ATP7A: variants seen among roughly 807,000 people sequenced by gnomAD.
The protein encoded by ATP7A is copper-transporting ATPase 1.
ATP7A carries 7 observed loss-of-function variants against 83.5 expected under a neutral mutation model. That is an observed-to-expected ratio of 0.08 (90% CI 0.05 to 0.16). The LOEUF (loss-of-function observed/expected upper bound fraction) is 0.16. Among genes scored for constraint, ATP7A ranks in the 10% least tolerant of loss-of-function variants. ATP7A has a pLI of 1.00. For synonymous variants in ATP7A, 354 were observed against 395.2 expected (o/e 0.90, Z 1.24); for missense variants, 940 against 1,120.8 (o/e 0.84, Z 2.30).
At chrX:78,017,765 CTTTTTTTTTTT>C (rs1176316040) in intron 12 of ATP7A, among the ~76,000 whole-genome samples, 4 of 45,859 alleles carry the variant, frequency 8.7e-5, no homozygotes, top group African/African-American at 3.8e-4. Flanking sequence ...TTTCTTGTTT[CTTTTTTTTTTT>C]TTTTTTTTTT....
chrX:78,024,288 C>A (rs1255234602), intron 14 of ATP7A, among the ~76,000 whole-genome samples: 1 of 111,951 alleles, frequency 8.9e-6, no homozygotes, highest in Non-Finnish European at 1.9e-5. Context: ...GTTCTTTTTC[C>A]ATATGAAATT....
chrX:78,040,718 A>G lies in ATP7A; in HGVS notation c.3786A>G (p.Arg1262=), dbSNP rs1557238272. 8.3e-7 allele frequency: 1 copy of G among 1,210,814 alleles called. No homozygotes were observed. Among genetic ancestry groups the G allele is most frequent in the Non-Finnish European group, 1.1e-6 (1 of 894,679 alleles). Residue 1262 remains arginine (R), a synonymous_variant, in exon 19 of 23, where the codon AGA becomes AGG. Transcript: ENST00000341514. ...LMTGDNSKTA[R]SIASQVGITK... ...CTGGAGACAACAGTAAAACAGCTAG[A>G]TCTATTGCTTCTCAGGTAATTGATA...
At chrX:77,965,565 A>G (rs937517706) in intron 1 of ATP7A, 2 of 161,652 alleles carry the variant, frequency 1.2e-5, no homozygotes, top group Non-Finnish European at 2.4e-5. Flanking sequence ...GGGAGTATAA[A>G]TGGTACAGTC....
chrX:78,031,517 G>A lies in ATP7A; in HGVS notation c.3229G>A (p.Val1077Met). 1 of 1,211,285 alleles carries A rather than the reference G, an allele frequency of 8.3e-7. No homozygotes were observed. Among genetic ancestry groups the A allele is most frequent in the Non-Finnish European group, 1.1e-6 (1 of 895,052 alleles). ...ATCACACCATAAAATCTTGGCCATT[G>A]TGGGAACTGCTGAAAGTAACAGTGA... ...RISHHKILAI[V>M]GTAESNSEHP... The change falls in exon 16 of 23, where the codon GTG becomes ATG. Residue 1077 changes from valine (V) to methionine (M), a missense_variant. Physicochemically the swap from Val to Met is conservative, Grantham distance 21. Transcript: ENST00000341514.
chrX:77,957,072 C>T (rs112654360), intron 1 of ATP7A, among the ~76,000 whole-genome samples: 6,725 of 110,719 alleles, frequency 0.061, 209 homozygotes, highest in African/African-American at 0.11. Flanking sequence ...GGTGGGATTA[C>T]AGGTGTGAGC....
intron 12 of ATP7A, among the ~76,000 whole-genome samples, chrX:78,017,765 CTTTTTTTTTTTTTTTTTT>C (rs1176316040): frequency 2.2e-5 from 1 of 45,859 alleles, no homozygotes; most frequent in Non-Finnish European, 3.8e-5. Context: ...TTTCTTGTTT[CTTTTTTTTTTTTTTTTTT>C]TTTTTTTTTT....
At chrX:77,968,777 A>G in intron 1 of ATP7A, 1 of 1,099,292 alleles carries the variant, frequency 9.1e-7, no homozygotes, top group Non-Finnish European at 1.2e-6. Flanking sequence ...CAAGATGTCT[A>G]CAGATGTGGT....
Position 78,003,304 on chromosome X carries a change from G to C in ATP7A, c.1707+68G>C. The C allele has an allele frequency of 2.9e-6, 3 of 1,040,492 alleles. No homozygotes were observed. In the Admixed American group the frequency reaches 6.6e-5, roughly 23 times the overall value. 85.7% of individuals were successfully genotyped at this position (1,040,492 alleles called of 1,213,427 possible). ...AAAACTTGGTAAGGTTCAGAGAAGA[G>C]TTGTGAAGATAATTAAAGGTGGGGA... On this transcript the variant is annotated intron_variant, in intron 6 of 22. Transcript: ENST00000341514.
chrX:77,935,004 AT>A (rs1400473989), intron 1 of ATP7A, among the ~76,000 whole-genome samples: 6 of 109,309 alleles, frequency 5.5e-5, no homozygotes, highest in Non-Finnish European at 7.6e-5. Flanking sequence ...TAAAGATGGC[AT>A]TTTACCATGT....
intron 9 of ATP7A, 104 bp downstream of exon 9, chrX:78,011,778 T>C (rs782669830): frequency 1.3e-6 from 1 of 790,728 alleles, no homozygotes. Flanking sequence ...GCTAGAAGTC[T>C]GATCATTTTA....
rs1557239521 is a variant in ATP7A, at chrX:78,049,095, T to G, written c.*2525T>G. ...ACATTTGAATCCTCTACCACAAGTC[T>G]TTTTTGCAATCTTGAACTTTCATTA... is the stretch of plus-strand genomic sequence containing the variant. On this transcript the variant is annotated 3_prime_UTR_variant, in exon 23 of 23. Transcript: ENST00000341514. The G allele has an allele frequency of 8.9e-6, 1 of 112,131 alleles. No individual in the cohort carries two copies. The highest frequency in any genetic ancestry group is 9.5e-5 in the Admixed American group (1 of 10,508). The allele number at this position is 112,131 out of a possible 1,213,427, so 9.2% of individuals were successfully genotyped here.
chrX:77,933,222 G>A (rs1557224765), intron 1 of ATP7A, among the ~76,000 whole-genome samples: 1 of 111,838 alleles, frequency 8.9e-6, no homozygotes. Context: ...GAGGCACAGA[G>A]ATTAAATAGC....
At position 78,021,014 on chromosome X, in the gene ATP7A, G is replaced by T. The variant is rs1557235719; in HGVS notation, c.2851G>T (p.Ala951Ser). The T allele has an allele frequency of 8.3e-7, 1 of 1,203,396 alleles. No homozygotes were observed. Among genetic ancestry groups the T allele is most frequent in the Non-Finnish European group, 1.1e-6 (1 of 890,020 alleles). Residue 951 changes from alanine to serine, a missense_variant, in exon 14 of 23, where the codon GCC (alanine) becomes TCC (serine). By Grantham distance (99) the Ala-to-Ser change is moderately conservative (BLOSUM62 1). Transcript: ENST00000341514. Reference sequence around the variant, plus strand: ...TCCTTTTATTGTTTTTGTTTCCATTGCCACCCTCTTGGTATGGATTGTAAT... The same window carrying T: ...TCCTTTTATTGTTTTTGTTTCCATTTCCACCCTCTTGGTATGGATTGTAAT... Reference protein sequence around the residue: ...FVPFIVFVSIATLLVWIVIGF... With the variant: ...FVPFIVFVSISTLLVWIVIGF...
At chrX:78,041,337 G>A (rs1557238364) in intron 19 of ATP7A, among the ~76,000 whole-genome samples, 1 of 109,174 alleles carries the variant, frequency 9.2e-6, no homozygotes, top group Non-Finnish European at 1.9e-5. Flanking sequence ...GTGCAGTGGC[G>A]CGATCTCGGC....
At chrX:77,955,823 C>T (rs959077024) in intron 1 of ATP7A, among the ~76,000 whole-genome samples, 4 of 109,883 alleles carry the variant, frequency 3.6e-5, no homozygotes, top group African/African-American at 1.3e-4. Context: ...CTGGTAACCA[C>T]TGTTCTACTC....
At chrX:78,031,285 G>A (rs2077982280) in intron 15 of ATP7A, 115 bp from the exon 16 acceptor site, 9 of 722,577 alleles carry the variant, frequency 1.2e-5, no homozygotes, top group Non-Finnish European at 1.9e-5. Context: ...TTAAGTCAAA[G>A]GTCAGTTTAC....
At chrX:78,003,274 G>T in intron 6 of ATP7A, 38 bp downstream of exon 6, 1 of 1,159,557 alleles carries the variant, frequency 8.6e-7, no homozygotes, top group Non-Finnish European at 1.2e-6. Flanking sequence ...AAAACTTCCA[G>T]AAAAAAAACT....
At chrX:77,912,187 G>A (rs1439745416) in intron 1 of ATP7A, among the ~76,000 whole-genome samples, 1 of 111,612 alleles carries the variant, frequency 9.0e-6, no homozygotes, top group Non-Finnish European at 1.9e-5. Flanking sequence ...TAGTAGGAAA[G>A]AAAGATACAC....
intron 1 of ATP7A, among the ~76,000 whole-genome samples, chrX:77,931,951 A>AC (rs1222699448): frequency 5.7e-4 from 37 of 65,344 alleles, no homozygotes; most frequent in South Asian, 9.0e-4. Context: ...CGGGGGGCTG[A>AC]CCCCCCCACC....
Sources: gnomAD v4.1 joint callset for allele counts (sites outside exome capture counted in the v4.1 genomes callset) on GRCh38, gnomAD v4.1.1 for gene constraint, MANE v1.5 for transcripts, NCBI Gene and HGNC (gene_info 2026-07-23, HGNC 2026-07-21) for gene names.